The following RNF38 variants were observed in gnomAD, a reference collection of about 807,000 sequenced individuals.
RNF38 encodes the protein ring finger protein 38, also known as E3 ubiquitin-protein ligase RNF38.
RNF38 carries 15 observed loss-of-function variants against 67.2 expected under a neutral mutation model. The ratio of observed to expected loss-of-function variants is 0.22; its 90% CI spans 0.15 to 0.34. The LOEUF is 0.34. Ranked by LOEUF, RNF38 falls within the 10% of genes least tolerant of loss-of-function variation. RNF38 has a pLI of 1.00. For synonymous variants in RNF38, 220 were observed against 218.8 expected, an observed-to-expected ratio of 1.01 and a Z score of -0.05; for missense variants, 524 against 639.9, an observed-to-expected ratio of 0.82 and a Z score of 1.95.
At chr9:36,400,050 G>T in intron 1 of RNF38, 47 bp downstream of exon 1, 1 of 1,568,896 alleles carries the variant, frequency 6.4e-7, no homozygotes, top group Non-Finnish European at 8.8e-7. Flanking sequence ...AACTTTTACT[G>T]AATAATAGCA....
At chr9:36,391,943 A>G (rs1047248206) in intron 1 of RNF38, among the ~76,000 whole-genome samples, 1 of 152,180 alleles carries the variant, frequency 6.6e-6, no homozygotes, top group Non-Finnish European at 1.5e-5. Flanking sequence ...TATATGCTAT[A>G]AGAAAGAAAC....
At chr9:36,410,642 G>A (rs1838298999) in intron 2 of RNF38, among the ~76,000 whole-genome samples, 2 of 152,136 alleles carry the variant, frequency 1.3e-5, no homozygotes, top group South Asian at 2.1e-4. Flanking sequence ...TGAGGCCTGC[G>A]GATAAGACAT....
chr9:36,365,818 A>G (rs1834909632), intron 4 of RNF38, among the ~76,000 whole-genome samples: 1 of 151,720 alleles, frequency 6.6e-6, no homozygotes, highest in African/African-American at 2.4e-5. Context: ...GGTGCGCGCC[A>G]CCATGCCCAG....
At chr9:36,385,273 T>C (rs889763733) in intron 2 of RNF38, among the ~76,000 whole-genome samples, 1 of 152,006 alleles carries the variant, frequency 6.6e-6, no homozygotes, top group African/African-American at 2.4e-5. Context: ...ACCAGCTCAG[T>C]GGGTGGACCA....
At chr9:36,353,444 G>A (rs1833852610) in intron 6 of RNF38, 113 bp from the exon 7 acceptor site, 1 of 631,956 alleles carries the variant, frequency 1.6e-6, no homozygotes, top group Non-Finnish European at 2.4e-6. Context: ...TGTCTTTAAG[G>A]CCATGCATCT....
At chr9:36,368,869 C>T (rs1273829839) in intron 4 of RNF38, among the ~76,000 whole-genome samples, 1 of 151,834 alleles carries the variant, frequency 6.6e-6, no homozygotes. Context: ...TTTATAAGGA[C>T]ATGCTTAGAC....
intron 1 of RNF38, among the ~76,000 whole-genome samples, chr9:36,393,909 G>C (rs1837330298): frequency 6.6e-6 from 1 of 152,158 alleles, no homozygotes; most frequent in African/African-American, 2.4e-5. Flanking sequence ...CGACCAGCAA[G>C]AAATGGGGGA....
At chr9:36,370,111 A>G (rs1835264680) in intron 3 of RNF38, among the ~76,000 whole-genome samples, 179 bp from the exon 4 acceptor site, 1 of 152,220 alleles carries the variant, frequency 6.6e-6, no homozygotes, top group African/African-American at 2.4e-5. Flanking sequence ...TATATGTTTT[A>G]TACAATAATG....
chr9:36,456,077 AT>A (rs551932475), intron 1 of RNF38, among the ~76,000 whole-genome samples: 115 of 150,484 alleles, frequency 7.6e-4, no homozygotes, highest in Admixed American at 1.5e-3. Context: ...CCAATAAATA[AT>A]TTTTTTTTTG....
chr9:36,435,800 T>C (rs1453212489), intron 1 of RNF38, among the ~76,000 whole-genome samples: 1 of 152,000 alleles, frequency 6.6e-6, no homozygotes, highest in Non-Finnish European at 1.5e-5. Flanking sequence ...CGGCTAATTT[T>C]TCGTATTTTT....
intron 9 of RNF38, among the ~76,000 whole-genome samples, chr9:36,349,854 ATT>A (rs1419943326): frequency 1.3e-5 from 2 of 152,030 alleles, no homozygotes; most frequent in Non-Finnish European, 1.5e-5. Context: ...TTTTCCCAAC[ATT>A]TCTTTTTTCT....
At chr9:36,476,285 AT>A (rs1840118992) in intron 1 of RNF38, among the ~76,000 whole-genome samples, 1 of 151,794 alleles carries the variant, frequency 6.6e-6, no homozygotes. Flanking sequence ...TGCCTGGCTA[AT>A]TTTTGTATTT....
At chr9:36,425,618 C>T (rs770673447) in intron 1 of RNF38, among the ~76,000 whole-genome samples, 1 of 151,896 alleles carries the variant, frequency 6.6e-6, no homozygotes, top group Non-Finnish European at 1.5e-5. Context: ...CACTTAAACC[C>T]GGGAAACAAG....
chr9:36,347,146 G>A (rs1202910065), intron 9 of RNF38, among the ~76,000 whole-genome samples: 3 of 52,204 alleles, frequency 5.7e-5, no homozygotes, highest in Admixed American at 2.6e-4. Flanking sequence ...GGGGGGGGGG[G>A]GGGAAGTAAA....
At chr9:36,448,760 T>C (rs1468209175) in intron 1 of RNF38, among the ~76,000 whole-genome samples, 1 of 152,050 alleles carries the variant, frequency 6.6e-6, no homozygotes, top group Non-Finnish European at 1.5e-5. Context: ...TCTCAGCACT[T>C]TGGGAGACAG....
intron 9 of RNF38, among the ~76,000 whole-genome samples, chr9:36,349,533 C>T (rs1245425846): frequency 1.3e-5 from 2 of 152,200 alleles, no homozygotes; most frequent in East Asian, 3.9e-4. Context: ...ATATTAACCC[C>T]TTATCAGATG....
chr9:36,367,732 T>C (rs548310287), intron 4 of RNF38, among the ~76,000 whole-genome samples: 19 of 152,370 alleles, frequency 1.2e-4, no homozygotes, highest in Non-Finnish European at 2.1e-4. Context: ...TATTCATCTA[T>C]GAAGTTTCAT....
chr9:36,415,559 G>T (rs1331495665), intron 2 of RNF38, among the ~76,000 whole-genome samples: 1 of 152,170 alleles, frequency 6.6e-6, no homozygotes, highest in Non-Finnish European at 1.5e-5. Context: ...TGAGGTTCCT[G>T]AGAGCTGGAC....
At chr9:36,427,702 T>TCTAA (rs1554694676) in intron 1 of RNF38, among the ~76,000 whole-genome samples, 1 of 139,412 alleles carries the variant, frequency 7.2e-6, no homozygotes, top group Non-Finnish European at 1.5e-5. Context: ...TATCTATCTA[T>TCTAA]CTACCTACCT....
Sources: allele counts gnomAD v4.1 joint callset (sites outside exome capture counted in the v4.1 genomes callset), GRCh38; gene constraint gnomAD v4.1.1; transcripts MANE v1.5; gene names NCBI Gene and HGNC (gene_info 2026-07-23, HGNC 2026-07-21).